SV2B: variants seen among roughly 807,000 people sequenced by gnomAD.
The protein encoded by SV2B is synaptic vesicle glycoprotein 2B.
SV2B carries 41 observed loss-of-function variants against 73.9 expected under a neutral mutation model. The observed-to-expected ratio is 0.56, with a 90% CI of 0.43 to 0.72. SV2B has a LOEUF of 0.72. SV2B is among the 30% of genes least tolerant of loss of function. The pLI is 0.00. For missense variants in SV2B, 764 were observed against 857.8 expected, an observed-to-expected ratio of 0.89 and a Z score of 1.37; for synonymous variants, 314 against 314.2, an observed-to-expected ratio of 1.00 and a Z score of 0.01.
chr15:91,247,272 T>C (rs1207540431), intron 2 of SV2B, among the ~76,000 whole-genome samples: 3 of 152,202 alleles, frequency 2.0e-5, no homozygotes, highest in African/African-American at 7.2e-5. Context: ...TGACCCTTTC[T>C]GGGGCTCAGC....
At position 91,140,875 on chromosome 15, in the gene SV2B, C is replaced by T. The variant is rs148309557; in HGVS notation, c.-392+40512C>T. ...TTGCTGGGGGTTGATAAACACACAC[C>T]GAGATAGAAGACTCTCTGTTTTCTT... On this transcript the variant is annotated intron_variant, in intron 1 of 12. Coordinates refer to ENST00000394232, the MANE Select transcript of SV2B (RefSeq NM_001323032.3). The surrounding 1 kb of genome is among the most constrained non-coding windows in gnomAD (Gnocchi z 4.4). Among the ~76,000 whole-genome samples the T allele has an allele frequency of 2.6e-4, 40 of 152,074 alleles. No homozygotes were observed. The highest frequency in any genetic ancestry group is 9.2e-4 in the African/African-American group (38 of 41,488).
In SV2B at chr15:91,122,610, A is replaced by C. The variant is rs887772723; in HGVS notation, c.-392+22247A>C. Among the ~76,000 whole-genome samples, 2 of 152,164 alleles carry C rather than the reference A, an allele frequency of 1.3e-5. No individual in the cohort carries two copies. Among genetic ancestry groups the C allele is most frequent in the Non-Finnish European group, 2.9e-5 (2 of 68,010 alleles). On this transcript the variant is annotated intron_variant, in intron 1 of 12. Coordinates refer to ENST00000394232, the MANE Select transcript of SV2B (RefSeq NM_001323032.3). The surrounding 1 kb of genome is among the most constrained non-coding windows in gnomAD (Gnocchi z 4.3). Reference sequence around the variant, plus strand: ...TGCTTTGTCTGAGTGATTTAACAAAACTGGACGTTCCATTAAGATACTTTG... The same window carrying C: ...TGCTTTGTCTGAGTGATTTAACAAACCTGGACGTTCCATTAAGATACTTTG...
intron 1 of SV2B, among the ~76,000 whole-genome samples, chr15:91,158,733 CCTCTTTT>C (rs2043604323): frequency 1.9e-5 from 1 of 53,572 alleles, no homozygotes; most frequent in African/African-American, 6.9e-5. Flanking sequence ...CCTCTCTTCT[CCTCTTTT>C]TTCTCTCTCT....
At chr15:91,274,424 T>A (rs2048416911) in intron 9 of SV2B, among the ~76,000 whole-genome samples, 1 of 152,230 alleles carries the variant, frequency 6.6e-6, no homozygotes, top group Admixed American at 6.5e-5. Context: ...AAAACCAGCC[T>A]CTATAACCAA....
chr15:91,143,981 C>T (rs996106133), intron 1 of SV2B, among the ~76,000 whole-genome samples: 10 of 152,132 alleles, frequency 6.6e-5, no homozygotes, highest in African/African-American at 2.4e-4. Flanking sequence ...ATACTCTATT[C>T]ATGTAGGCGG....
At chr15:91,196,721 T>A (rs570019539) in intron 1 of SV2B, among the ~76,000 whole-genome samples, 1 of 152,234 alleles carries the variant, frequency 6.6e-6, no homozygotes, top group Non-Finnish European at 1.5e-5. Context: ...CCTCTACTTA[T>A]ATGTGAAGCA....
At chr15:91,207,732 G>A (rs1223257791) in intron 1 of SV2B, among the ~76,000 whole-genome samples, 1 of 152,172 alleles carries the variant, frequency 6.6e-6, no homozygotes, top group African/African-American at 2.4e-5. Flanking sequence ...AGAAACAAGG[G>A]AATCTGTGTA....
chr15:91,162,949 T>A (rs2043776896), intron 1 of SV2B, among the ~76,000 whole-genome samples: 1 of 148,336 alleles, frequency 6.7e-6, no homozygotes, highest in Admixed American at 6.7e-5. Flanking sequence ...GTGTGTGATG[T>A]TCCCCACCCT....
chr15:91,131,727 C>T (rs936017960), intron 1 of SV2B, among the ~76,000 whole-genome samples: 1 of 151,956 alleles, frequency 6.6e-6, no homozygotes, highest in Admixed American at 6.5e-5. Flanking sequence ...CTTTGGGAGG[C>T]CGAGGCAGGC....
chr15:91,191,070 T>TTTTTTTTTTTTTTTTTC (rs1358888300), intron 1 of SV2B, among the ~76,000 whole-genome samples: 1 of 125,606 alleles, frequency 8.0e-6, no homozygotes, highest in Non-Finnish European at 1.7e-5. Flanking sequence ...TTTCTTTTTT[T>TTTTTTTTTTTTTTTTTC]TTTTTTTTTT....
intron 1 of SV2B, among the ~76,000 whole-genome samples, chr15:91,104,593 GCAATCAAT>G (rs375748424): frequency 1.3e-5 from 2 of 152,148 alleles, no homozygotes; most frequent in African/African-American, 4.8e-5. Context: ...GAGACATTTT[GCAATCAAT>G]CAATCAATCA....
chr15:91,276,805 G>GTTATTATTATTATTATTATTA lies in SV2B; in HGVS notation c.1374-4911_1374-4891dup, dbSNP rs3082230. ...TTCCAGTATTTATATTATTGTTGTT[G>GTTATTATTATTATTATTATTA]TTATTATTATTATTATTATTATTAT... On this transcript the variant is annotated intron_variant, in intron 9 of 12. Coordinates refer to ENST00000394232, the MANE Select transcript of SV2B (RefSeq NM_001323032.3). Among the ~76,000 whole-genome samples the GTTATTATTATTATTATTATTA allele has an allele frequency of 3.8e-3, 354 of 92,110 alleles. 1 individual carries two copies. The highest frequency in any genetic ancestry group is 0.011 in the African/African-American group (340 of 29,792). The allele number at this position is 92,110 out of a possible 152,430, so 60.4% of individuals were successfully genotyped here.
intron 1 of SV2B, among the ~76,000 whole-genome samples, chr15:91,131,147 G>GTTTTTTTT (rs56130189): frequency 8.5e-6 from 1 of 118,086 alleles, no homozygotes; most frequent in African/African-American, 3.2e-5. Flanking sequence ...ATGTTTTCTT[G>GTTTTTTTT]TTTTTTTTTT....
chr15:91,180,813 T>G (rs1274404235), intron 1 of SV2B, among the ~76,000 whole-genome samples: 1 of 152,182 alleles, frequency 6.6e-6, no homozygotes, highest in Non-Finnish European at 1.5e-5. Flanking sequence ...TTTCAAAGTT[T>G]TCAACTTCTT....
chr15:91,211,217 A>G (rs1195716396), intron 1 of SV2B, among the ~76,000 whole-genome samples: 1 of 152,238 alleles, frequency 6.6e-6, no homozygotes, highest in Non-Finnish European at 1.5e-5. Context: ...AGGCAGTGCC[A>G]GTGGAATGGA....
rs1031643813 is a variant in SV2B at position 91,224,225 on chromosome 15, C to G, written c.-391-1648C>G. 6.6e-5 allele frequency among the ~76,000 whole-genome samples: 10 copies of G among 152,168 alleles called. No homozygotes were observed. The highest frequency in any genetic ancestry group is 1.5e-5 in the Non-Finnish European group (1 of 68,034). ...CCAATCCTTTGTGAGGTGACATCTG[C>G]TGAGCATGCTGAAAGGACAGTGGAT... On this transcript the variant is annotated intron_variant, in intron 1 of 12. Transcript: ENST00000394232. This position sits in a 1 kb window ranked among gnomAD's most constrained non-coding sequence, Gnocchi z 4.9.
rs1039583883 is a variant in SV2B at position 91,265,816 on chromosome 15, T to C, written c.1009-766T>C. Among the ~76,000 whole-genome samples the C allele has an allele frequency of 1.1e-4, 16 of 152,224 alleles. No individual in the cohort carries two copies. The highest frequency in any genetic ancestry group is 3.6e-4 in the African/African-American group (15 of 41,470). ...TTTCTGGGAAGAGAGCCTATGCCTT[T>C]AGCAGATTCTCAAATTCTCCCAAAA... On this transcript the variant is annotated intron_variant, in intron 6 of 12. Transcript: ENST00000394232. The surrounding 1 kb of genome is among the most constrained non-coding windows in gnomAD (Gnocchi z 4.2).
At chr15:91,292,122 C>T (rs1374756641) in intron 12 of SV2B, among the ~76,000 whole-genome samples, 1 of 151,426 alleles carries the variant, frequency 6.6e-6, no homozygotes, top group Non-Finnish European at 1.5e-5. Flanking sequence ...AAGAAAAACA[C>T]TTGAAGAAAA....
At position 91,158,706 on chromosome 15, in the gene SV2B, C is replaced by CTCCTT. The variant is rs2043594930; in HGVS notation, c.-392+58347_-392+58348insTTCCT. Among the ~76,000 whole-genome samples, 10 of 92,422 alleles carry CTCCTT rather than the reference C, an allele frequency of 1.1e-4. 2 individuals carry two copies. The highest frequency in any genetic ancestry group is 1.8e-4 in the Non-Finnish European group (8 of 44,978). The allele number at this position is 92,422 out of a possible 152,430, so 60.6% of individuals were successfully genotyped here. A position where few individuals can be genotyped will look rare whatever the true frequency, so the allele number is the denominator to read the frequency against. On this transcript the variant is annotated intron_variant, in intron 1 of 12. Transcript: ENST00000394232. ...CTTCTCTTCTCTTCTCTTCTCTCCT[C>CTCCTT]TCCTCTCCTCTCCTCTCCTCTCTTC... is the stretch of plus-strand genomic sequence containing the variant.
Sources: gnomAD v4.1 joint callset for allele counts (sites outside exome capture counted in the v4.1 genomes callset) on GRCh38, gnomAD v4.1.1 for gene constraint, Gnocchi (gnomAD v3.1) non-coding constraint, MANE v1.5 for transcripts, NCBI Gene and HGNC (gene_info 2026-07-23, HGNC 2026-07-21) for gene names.